The following PREP variants were observed in gnomAD, a reference collection of about 807,000 sequenced individuals.
The protein encoded by PREP is dJ355L5.1 (prolyl endopeptidase).
A neutral mutation model predicts 87.6 loss-of-function variants in PREP; 29 were observed. The observed-to-expected ratio is 0.33, with a 90% CI of 0.25 to 0.45. The LOEUF is 0.45. Ranked by LOEUF, PREP falls within the 20% of genes least tolerant of loss-of-function variation. The pLI is 1.00. For missense variants in PREP, 695 were observed against 886.5 expected (o/e 0.78, Z 2.74); for synonymous variants, 337 against 328.6 (o/e 1.03, Z -0.28).
intron 10 of PREP, among the ~76,000 whole-genome samples, chr6:105,290,622 T>A (rs566311210): frequency 1.3e-5 from 2 of 151,978 alleles, no homozygotes; most frequent in East Asian, 1.9e-4. Context: ...TGATGCTTCA[T>A]GACAATTCAA....
chr6:105,337,265 C>T (rs546919795), intron 7 of PREP, among the ~76,000 whole-genome samples: 1 of 152,256 alleles, frequency 6.6e-6, no homozygotes, highest in African/African-American at 2.4e-5. Context: ...TGTGGAAATT[C>T]TTGGAGGCCT....
At chr6:105,382,849 A>G (rs1431264635) in intron 2 of PREP, among the ~76,000 whole-genome samples, 1 of 152,214 alleles carries the variant, frequency 6.6e-6, no homozygotes, top group Non-Finnish European at 1.5e-5. Context: ...GAGTGGTGCT[A>G]TCTACATCCC....
At position 105,397,883 on chromosome 6, in the gene PREP, C is replaced by T. The variant is rs1005982006; in HGVS notation, c.90G>A (p.Trp30Ter). The change falls in exon 2 of 15, where the codon TGG becomes TGA. Residue 30 changes from tryptophan to a stop codon, truncating the protein, a stop_gained. Transcript: ENST00000652536. LOFTEE classifies it high-confidence loss of function. Reference protein sequence around the residue: ...HGHKICDPYAWLEDPDSEQTK... With the variant: ...HGHKICDPYA ...TCTGTTCACTGTCGGGGTCTTCAAG[C>T]CAGGCGTAAGGGTCACAAATTTTAT... The T allele has an allele frequency of 3.7e-6, 6 of 1,612,782 alleles. No individual in the cohort carries two copies. Among genetic ancestry groups the T allele is most frequent in the Non-Finnish European group, 4.2e-6 (5 of 1,178,922 alleles).
rs532267064 is a variant in PREP, at chr6:105,292,045, C to G, written c.1318-3151G>C. Among the ~76,000 whole-genome samples the G allele has an allele frequency of 2.6e-5, 4 of 152,318 alleles. No homozygotes were observed. In the East Asian group the frequency reaches 7.7e-4, roughly 29 times the overall value. ...TCTCGTTCTCTTGCTATTTCCCCAA[C>G]ATATGCAGTGACTTCCTCCTTTGAA... On this transcript the variant is annotated intron_variant, in intron 10 of 14. Transcript: ENST00000652536.
chr6:105,391,130 G>A (rs1306577456), intron 2 of PREP, among the ~76,000 whole-genome samples: 1 of 117,050 alleles, frequency 8.5e-6, no homozygotes, highest in African/African-American at 5.6e-5. Context: ...CAGAACTTTG[G>A]GAGGCTGAGG....
chr6:105,377,449 T>C lies in PREP; in HGVS notation c.191A>G (p.Lys64Arg), dbSNP rs1562222840. 1 of 1,613,668 alleles carries C rather than the reference T, an allele frequency of 6.2e-7. No homozygotes were observed. ...ATCATATAGTTCAGTCATTCTCTCT[T>C]TGTATAAACCTCTGATGGGACACTG... ...LEQCPIRGLY[K>R]ERMTELYDYP... The change falls in exon 3 of 15, where the codon AAA (lysine) becomes AGA (arginine). Residue 64 changes from lysine (K) to arginine (R), a missense_variant. Around this residue, in one of 5 missense-constraint regions of PREP, gnomAD observed 517 missense variants for 620.3 expected, o/e 0.83. Coordinates refer to ENST00000652536, the MANE Select transcript of PREP (RefSeq NM_002726.5).
At position 105,288,889 on chromosome 6, in the gene PREP, G is replaced by A. The variant is rs751008771; in HGVS notation, c.1323C>T (p.Phe441=). 4 of 1,611,732 alleles carry A rather than the reference G, an allele frequency of 2.5e-6. No homozygotes were observed. Among genetic ancestry groups the A allele is most frequent in the East Asian group, 2.2e-5 (1 of 44,884 alleles). ...TCTTCGTACCATCCTTGCTAGGGTAGAAAATCTAGAATATAAGAAAGCAGA... is the reference window on the plus strand; with the variant it reads ...TCTTCGTACCATCCTTGCTAGGGTAAAAAATCTAGAATATAAGAAAGCAGA... The part of the protein sequence containing the change: ...DASDYQTVQI[F]YPSKDGTKIP... The change falls in exon 11 of 15, where the codon TTC becomes TTT. Residue 441 remains phenylalanine (F), a synonymous_variant. Transcript: ENST00000652536.
intron 7 of PREP, among the ~76,000 whole-genome samples, chr6:105,341,644 A>G (rs1336750912): frequency 2.6e-5 from 4 of 152,380 alleles, no homozygotes; most frequent in Admixed American, 2.6e-4. Flanking sequence ...ACCGCTAGCA[A>G]GACTAATAAA....
At chr6:105,308,457 G>A (rs564183462) in intron 10 of PREP, among the ~76,000 whole-genome samples, 17 of 152,250 alleles carry the variant, frequency 1.1e-4, no homozygotes, top group African/African-American at 4.1e-4. Context: ...TTACTTTGAT[G>A]CTCTATAAGG....
chr6:105,344,138 T>A (rs1408979892), intron 7 of PREP, among the ~76,000 whole-genome samples: 1 of 152,172 alleles, frequency 6.6e-6, no homozygotes, highest in African/African-American at 2.4e-5. Flanking sequence ...CCATCAATGA[T>A]AGACTGGATT....
chr6:105,288,146 G>A (rs1428032004), intron 11 of PREP, among the ~76,000 whole-genome samples: 6 of 152,172 alleles, frequency 3.9e-5, no homozygotes, highest in Non-Finnish European at 8.8e-5. Flanking sequence ...GAAGAAAGGA[G>A]CTTCCTTTAA....
rs1239541315 is a variant in PREP, at chr6:105,402,995, GGGGCGGCCGGCGGCAGC to G, written c.-121_-105del. On this transcript the variant is annotated 5_prime_UTR_variant, in exon 1 of 15. Coordinates refer to ENST00000652536, the MANE Select transcript of PREP (RefSeq NM_002726.5). ...GCGCGGCTGGGGCGCAGGCAGCTGC[GGGGCGGCCGGCGGCAGC>G]GGGCGGCCGGCTCACGGCCAGAGCT... 2.5e-5 allele frequency: 12 copies of G among 481,848 alleles called. No individual in the cohort carries two copies. The highest frequency in any genetic ancestry group is 4.5e-4 in the Middle Eastern group (1 of 2,206). 29.8% of individuals were successfully genotyped at this position (481,848 alleles called of 1,614,324 possible). A position where few individuals can be genotyped will look rare whatever the true frequency, so the allele number is the denominator to read the frequency against.
At chr6:105,314,538 C>G (rs959500492) in intron 10 of PREP, among the ~76,000 whole-genome samples, 3 of 152,220 alleles carry the variant, frequency 2.0e-5, no homozygotes, top group Non-Finnish European at 4.4e-5. Flanking sequence ...TCTCAAGAAA[C>G]CAATTTCTTT....
intron 7 of PREP, among the ~76,000 whole-genome samples, chr6:105,349,830 A>G (rs1199307016): frequency 6.7e-6 from 1 of 149,774 alleles, no homozygotes; most frequent in Non-Finnish European, 1.5e-5. Flanking sequence ...TAGTGCATTT[A>G]GCATTTAAGT....
At chr6:105,292,876 C>T (rs1024080853) in intron 10 of PREP, among the ~76,000 whole-genome samples, 1 of 152,146 alleles carries the variant, frequency 6.6e-6, no homozygotes, top group Non-Finnish European at 1.5e-5. Flanking sequence ...TTCCTGAAAC[C>T]GTATGGCCCA....
rs1562222827 is a variant in PREP at position 105,377,441 on chromosome 6, TTCTC to T, written c.195_198del (p.Arg66Ter). On this transcript the variant is annotated frameshift_variant, in exon 3 of 15. Coordinates refer to ENST00000652536, the MANE Select transcript of PREP (RefSeq NM_002726.5). LOFTEE classifies it high-confidence loss of function. ...TTGGGATAATCATATAGTTCAGTCATTCTCTCTTTGTATAAACCTCTGATGGGAC... is the reference window on the plus strand; with the variant it reads ...TTGGGATAATCATATAGTTCAGTCATTCTTTGTATAAACCTCTGATGGGAC... The T allele has an allele frequency of 2.5e-6, 4 of 1,613,722 alleles. No individual in the cohort carries two copies. The highest frequency in any genetic ancestry group is 2.5e-6 in the Non-Finnish European group (3 of 1,179,642).
chr6:105,397,339 G>A (rs1407334665), intron 2 of PREP, among the ~76,000 whole-genome samples: 1 of 136,168 alleles, frequency 7.3e-6, no homozygotes, highest in African/African-American at 3.4e-5. Context: ...GAATATGAAA[G>A]CTTTATGTTT....
At chr6:105,279,100 T>TAAGTA (rs1163270413) in intron 14 of PREP, 2 of 152,200 alleles carry the variant, frequency 1.3e-5, no homozygotes, top group Non-Finnish European at 2.9e-5. Context: ...AAAAGGGTGT[T>TAAGTA]AAGTATAAAA....
chr6:105,292,423 G>A (rs1269669347), intron 10 of PREP, among the ~76,000 whole-genome samples: 3 of 152,182 alleles, frequency 2.0e-5, no homozygotes, highest in African/African-American at 7.2e-5. Flanking sequence ...TGCCGTCAAT[G>A]AGCAGTAATA....
Sources: allele counts gnomAD v4.1 joint callset (sites outside exome capture counted in the v4.1 genomes callset), GRCh38; gene constraint gnomAD v4.1.1; regional missense constraint gnomAD v4.1.1; transcripts MANE v1.5; gene names NCBI Gene and HGNC (gene_info 2026-07-23, HGNC 2026-07-21).